PHYKPL: variants seen among roughly 807,000 people sequenced by gnomAD.
PHYKPL encodes 5-phosphonooxy-L-lysine phospho-lyase.
Under a neutral mutation model 51.3 loss-of-function variants are expected in PHYKPL, and 42 were observed. The observed-to-expected ratio is 0.82, with a 90% CI of 0.64 to 1.06. The LOEUF (loss-of-function observed/expected upper bound fraction) is 1.06, where lower values mean the gene tolerates loss of function less well. Among genes scored for constraint, PHYKPL ranks in the 50% least tolerant of loss-of-function variants. The pLI is 0.00. For synonymous variants in PHYKPL, 264 were observed against 236.0 expected (o/e 1.12, Z -1.09); for missense variants, 655 against 586.6 (o/e 1.12, Z -1.20).
intron 1 of PHYKPL, 31 bp downstream of exon 1, chr5:178,232,461 G>GC (rs949749471): frequency 1.7e-4 from 237 of 1,355,836 alleles, no homozygotes; most frequent in Non-Finnish European, 2.0e-4. Flanking sequence ...GCAGCCCCGC[G>GC]CCCCCCGCCG....
chr5:178,217,980 G>A (rs1353654916), intron 8 of PHYKPL, among the ~76,000 whole-genome samples: 9 of 150,946 alleles, frequency 6.0e-5, no homozygotes, highest in African/African-American at 1.7e-4. Context: ...CACTTTGGGA[G>A]GCCGAGACGG....
chr5:178,229,916 G>A (rs752784788), intron 3 of PHYKPL, 24 bp downstream of exon 3: 37 of 1,607,452 alleles, frequency 2.3e-5, no homozygotes, highest in Admixed American at 1.0e-4. Flanking sequence ...CCCTCTTCCC[G>A]GGGGCTGGCC....
At chr5:178,227,566 GAGA>G (rs755825268) in intron 3 of PHYKPL, among the ~76,000 whole-genome samples, 1 of 152,182 alleles carries the variant, frequency 6.6e-6, no homozygotes, top group Non-Finnish European at 1.5e-5. Flanking sequence ...CGGGAACCAG[GAGA>G]AGATGAGGGA....
chr5:178,222,952 T>A lies in PHYKPL; in HGVS notation c.619-18A>T. ...GCTGCAATCTGTGAAGAGATGGACA[T>A]TGGGAACACGACCATGGGGTTGTGC... On this transcript the variant is annotated intron_variant, in intron 6 of 12. Transcript: ENST00000308158. 6.2e-7 allele frequency: 1 copy of A among 1,613,314 alleles called. No individual in the cohort carries two copies. The highest frequency in any genetic ancestry group is 8.5e-7 in the Non-Finnish European group (1 of 1,179,422).
In PHYKPL at chr5:178,232,545, G is replaced by A. The variant is rs767694978; in HGVS notation, c.6C>T (p.Ala2=). The change falls in exon 1 of 13, where the codon GCC becomes GCT. Residue 2 remains alanine (A), a synonymous_variant. Transcript: ENST00000308158. M[A]ADQRPKADTL... is the part of the protein sequence containing the mutation. ...TGTCGGCCTTCGGGCGCTGGTCTGC[G>A]GCCATGGTGGGTGGCCGTCAGTCGG... The A allele has an allele frequency of 1.5e-5, 19 of 1,300,848 alleles. No homozygotes were observed. In the African/African-American group the frequency reaches 2.5e-4, roughly 17 times the overall value. The allele number at this position is 1,300,848 out of a possible 1,614,324, so 80.6% of individuals were successfully genotyped here.
At chr5:178,212,268 C>T (rs1339646583) in intron 11 of PHYKPL, among the ~76,000 whole-genome samples, 2 of 152,238 alleles carry the variant, frequency 1.3e-5, no homozygotes, top group African/African-American at 2.4e-5. Context: ...TTGTGTCTAG[C>T]AGGGATGGGC....
At chr5:178,211,402 C>T (rs1758360174) in intron 12 of PHYKPL, 1 of 157,692 alleles carries the variant, frequency 6.3e-6, no homozygotes, top group Non-Finnish European at 1.4e-5. Flanking sequence ...GGGCTTACAT[C>T]CCCAGCAGGC....
intron 3 of PHYKPL, 116 bp downstream of exon 3, chr5:178,229,824 T>C (rs1581376438): frequency 7.5e-7 from 1 of 1,336,266 alleles, no homozygotes; most frequent in Non-Finnish European, 1.0e-6. Context: ...CCTGGTGCAG[T>C]GGGGGCTGCC....
chr5:178,228,616 C>A (rs1762755940), intron 3 of PHYKPL: 1 of 702,436 alleles, frequency 1.4e-6, no homozygotes, highest in African/African-American at 1.7e-5. Flanking sequence ...GTGAATTCCA[C>A]TTCCTAGAAA....
Position 178,232,667 on chromosome 5 carries a change from G to T in PHYKPL, c.-117C>A, listed in dbSNP as rs1439158538. ...GCCTGGGTCGGGATTTGGGGCTCAGGTTCGCACTCGGCCCCGCCCCGAAGC... is the reference window on the plus strand; with the variant it reads ...GCCTGGGTCGGGATTTGGGGCTCAGTTTCGCACTCGGCCCCGCCCCGAAGC... On this transcript the variant is annotated 5_prime_UTR_variant, in exon 1 of 13. Coordinates refer to ENST00000308158, the MANE Select transcript of PHYKPL (RefSeq NM_153373.4). 5.7e-5 allele frequency: 65 copies of T among 1,132,908 alleles called. No homozygotes were observed. The highest frequency in any genetic ancestry group is 7.2e-5 in the Non-Finnish European group (65 of 900,628). 70.2% of individuals were successfully genotyped at this position (1,132,908 alleles called of 1,614,324 possible).
chr5:178,215,577 G>A, intron 8 of PHYKPL, 147 bp from the exon 9 acceptor site: 1 of 939,738 alleles, frequency 1.1e-6, no homozygotes, highest in Non-Finnish European at 1.5e-6. Flanking sequence ...ACAGTCCTCA[G>A]CAGTAGTAAG....
chr5:178,211,235 A>C (rs907346724), intron 12 of PHYKPL: 8 of 149,950 alleles, frequency 5.3e-5, no homozygotes, highest in African/African-American at 7.5e-5. Flanking sequence ...GGGGGGTGCC[A>C]GGTGCCCTGG....
intron 12 of PHYKPL, chr5:178,209,184 C>T: frequency 1.4e-6 from 1 of 712,004 alleles, no homozygotes; most frequent in Non-Finnish European, 2.5e-6. Context: ...AGCTTTAGCC[C>T]AAAGGTGGCC....
At chr5:178,217,314 A>G (rs1015880175) in intron 8 of PHYKPL, among the ~76,000 whole-genome samples, 3 of 150,020 alleles carry the variant, frequency 2.0e-5, no homozygotes, top group African/African-American at 7.4e-5. Context: ...GCCGCCTCCC[A>G]GGTTCAGGCG....
chr5:178,228,672 T>C (rs955734071), intron 3 of PHYKPL: 1 of 698,228 alleles, frequency 1.4e-6, no homozygotes, highest in Non-Finnish European at 2.6e-6. Context: ...GCCACAGTAA[T>C]CATCACTATA....
At chr5:178,217,140 A>G (rs1241647146) in intron 8 of PHYKPL, 1 of 152,230 alleles carries the variant, frequency 6.6e-6, no homozygotes, top group Admixed American at 6.5e-5. Flanking sequence ...GTCTAATGAT[A>G]GATAAATTAT....
intron 1 of PHYKPL, 65 bp downstream of exon 1, chr5:178,232,424 GCGT>G: frequency 7.3e-7 from 1 of 1,361,994 alleles, no homozygotes; most frequent in African/African-American, 1.6e-5. Flanking sequence ...GTGCGTGCGT[GCGT>G]CGTGCGTGCG....
chr5:178,224,001 C>A, intron 6 of PHYKPL: 1 of 182,538 alleles, frequency 5.5e-6, no homozygotes, highest in South Asian at 1.1e-4. Flanking sequence ...GCTTAAGACT[C>A]TGGTGGTTCC....
intron 12 of PHYKPL, among the ~76,000 whole-genome samples, chr5:178,209,902 G>C (rs560512300): frequency 2.0e-5 from 3 of 152,238 alleles, no homozygotes; most frequent in South Asian, 2.1e-4. Flanking sequence ...GAGTGAGTGA[G>C]CTGCCTTGTT....
Sources: gnomAD v4.1 joint callset for allele counts (sites outside exome capture counted in the v4.1 genomes callset) on GRCh38, gnomAD v4.1.1 for gene constraint, MANE v1.5 for transcripts, NCBI Gene and HGNC (gene_info 2026-07-23, HGNC 2026-07-21) for gene names.